The following LRRC4C variants were observed in gnomAD, a reference collection of about 807,000 sequenced individuals.
LRRC4C encodes leucine rich repeat containing 4C, also known as leucine-rich repeat-containing protein 4C.
A neutral mutation model predicts 33.6 loss-of-function variants in LRRC4C; 5 were observed. The observed-to-expected ratio is 0.15, with a 90% CI of 0.08 to 0.31. The LOEUF (loss-of-function observed/expected upper bound fraction) is 0.31, where lower values mean the gene tolerates loss of function less well. Ranked by LOEUF, LRRC4C falls within the 10% of genes least tolerant of loss-of-function variation. The pLI, the probability that LRRC4C is intolerant of heterozygous loss-of-function variation, is 1.00. For missense variants in LRRC4C, 560 were observed against 796.7 expected (o/e 0.70, Z 3.58); for synonymous variants, 329 against 302.0 (o/e 1.09, Z -0.93).
intron 5 of LRRC4C, among the ~76,000 whole-genome samples, chr11:40,183,483 C>T (rs1861172867): frequency 6.6e-6 from 1 of 152,168 alleles, no homozygotes; most frequent in Non-Finnish European, 1.5e-5. Context: ...GAACCTGCTG[C>T]CAAAGAGGTG....
intron 6 of LRRC4C, 28 bp from the exon 7 acceptor site, chr11:40,116,362 T>C: frequency 6.6e-7 from 1 of 1,514,802 alleles, no homozygotes; most frequent in African/African-American, 1.4e-5. Flanking sequence ...AAAAAACCAA[T>C]TATTAGATTA....
intron 2 of LRRC4C, among the ~76,000 whole-genome samples, chr11:40,669,297 T>C (rs1943964485): frequency 6.6e-6 from 1 of 152,206 alleles, no homozygotes; most frequent in Non-Finnish European, 1.5e-5. Flanking sequence ...TTTCTATTTA[T>C]TAAAGCAACA....
chr11:41,319,954 A>C (rs548188782), intron 1 of LRRC4C, among the ~76,000 whole-genome samples: 1 of 152,354 alleles, frequency 6.6e-6, no homozygotes, highest in East Asian at 1.9e-4. Flanking sequence ...AAATAAAAGT[A>C]ATGGAGTATA....
chr11:40,119,585 A>G (rs74454608), intron 6 of LRRC4C, among the ~76,000 whole-genome samples: 2,670 of 152,252 alleles, frequency 0.018, 63 homozygotes, highest in African/African-American at 0.057. Flanking sequence ...AAATGAAAAG[A>G]TATTGAAAAA....
At chr11:40,775,618 C>CA (rs1949960031) in intron 2 of LRRC4C, among the ~76,000 whole-genome samples, 1 of 152,082 alleles carries the variant, frequency 6.6e-6, no homozygotes, top group Non-Finnish European at 1.5e-5. Flanking sequence ...GATTTTGGAG[C>CA]ATTGATTTTG....
intron 1 of LRRC4C, among the ~76,000 whole-genome samples, chr11:41,337,182 C>T (rs1951483634): frequency 6.6e-6 from 1 of 151,926 alleles, no homozygotes; most frequent in Non-Finnish European, 1.5e-5. Context: ...GTAGCTGGCA[C>T]CACAGGTATG....
At chr11:40,132,482 G>A (rs1856712736) in intron 6 of LRRC4C, among the ~76,000 whole-genome samples, 1 of 152,144 alleles carries the variant, frequency 6.6e-6, no homozygotes, top group Non-Finnish European at 1.5e-5. Context: ...AAGGTCCTGT[G>A]CTCCCTCAAT....
chr11:40,225,034 T>C (rs969746110), intron 5 of LRRC4C, among the ~76,000 whole-genome samples: 2 of 152,270 alleles, frequency 1.3e-5, no homozygotes, highest in Admixed American at 1.3e-4. Context: ...CTAAAGCAAC[T>C]GTAAAATATG....
chr11:40,322,704 G>A (rs192026302), intron 3 of LRRC4C, among the ~76,000 whole-genome samples: 1 of 152,222 alleles, frequency 6.6e-6, no homozygotes, highest in African/African-American at 2.4e-5. Flanking sequence ...ATCTTTCTAT[G>A]GGTCACTATC....
At chr11:40,999,018 GA>G (rs780288046) in intron 1 of LRRC4C, among the ~76,000 whole-genome samples, 1 of 152,066 alleles carries the variant, frequency 6.6e-6, no homozygotes, top group Non-Finnish European at 1.5e-5. Context: ...CAGCTGGCAG[GA>G]GTTGCATCAA....
At chr11:40,201,689 C>A (rs1862763789) in intron 5 of LRRC4C, among the ~76,000 whole-genome samples, 2 of 152,104 alleles carry the variant, frequency 1.3e-5, no homozygotes, top group Admixed American at 6.5e-5. Context: ...TTGAACAATA[C>A]CTGCTTTAAG....
At chr11:40,549,599 G>T (rs1489700420) in intron 3 of LRRC4C, among the ~76,000 whole-genome samples, 1 of 152,092 alleles carries the variant, frequency 6.6e-6, no homozygotes, top group Non-Finnish European at 1.5e-5. Context: ...CCATGTCTAA[G>T]AAATAAGAAA....
chr11:41,039,178 T>C (rs1857270834), intron 1 of LRRC4C, among the ~76,000 whole-genome samples: 1 of 152,170 alleles, frequency 6.6e-6, no homozygotes. Flanking sequence ...ACAGGGGTCG[T>C]ATATAACCTT....
At chr11:41,295,755 T>C (rs1478828793) in intron 1 of LRRC4C, among the ~76,000 whole-genome samples, 1 of 152,198 alleles carries the variant, frequency 6.6e-6, no homozygotes, top group African/African-American at 2.4e-5. Context: ...ATTATTTCCA[T>C]CTACCTGATG....
intron 1 of LRRC4C, among the ~76,000 whole-genome samples, chr11:41,369,933 G>A (rs983619736): frequency 6.6e-6 from 1 of 152,332 alleles, no homozygotes; most frequent in Middle Eastern, 3.4e-3. Context: ...GAGAGCTAAT[G>A]AGGACTTCAA....
At chr11:41,049,585 T>C (rs901818076) in intron 1 of LRRC4C, among the ~76,000 whole-genome samples, 2 of 152,222 alleles carry the variant, frequency 1.3e-5, no homozygotes, top group African/African-American at 4.8e-5. Context: ...GAAGTTATGA[T>C]ATTAATCTAG....
intron 2 of LRRC4C, among the ~76,000 whole-genome samples, chr11:40,855,111 T>A (rs2135780614): frequency 6.6e-6 from 1 of 152,236 alleles, no homozygotes; most frequent in South Asian, 2.1e-4. Context: ...TGTCTGGAAA[T>A]AAAGACCATT....
intron 1 of LRRC4C, among the ~76,000 whole-genome samples, chr11:41,124,387 C>CG (rs1565405318): frequency 6.6e-6 from 1 of 152,172 alleles, no homozygotes; most frequent in African/African-American, 2.4e-5. Flanking sequence ...ATATAAGCCA[C>CG]GGTCTTTAAG....
At chr11:40,493,754 A>G (rs990385863) in intron 3 of LRRC4C, among the ~76,000 whole-genome samples, 2 of 152,138 alleles carry the variant, frequency 1.3e-5, no homozygotes, top group African/African-American at 4.8e-5. Flanking sequence ...ATCCTCAGCA[A>G]TACCAACCAA....
Sources: gnomAD v4.1 joint callset for allele counts (sites outside exome capture counted in the v4.1 genomes callset) on GRCh38, gnomAD v4.1.1 for gene constraint, MANE v1.5 for transcripts, NCBI Gene and HGNC (gene_info 2026-07-23, HGNC 2026-07-21) for gene names.